SPTBN4: variants seen among roughly 807,000 people sequenced by gnomAD.
SPTBN4 encodes the protein spectrin beta chain, non-erythrocytic 4.
In SPTBN4, 96 loss-of-function variants were observed where a neutral mutation model predicts 277.8. The observed-to-expected ratio is 0.35, with a 90% confidence interval of 0.29 to 0.41. SPTBN4 has a LOEUF of 0.41. Ranked by LOEUF, SPTBN4 falls within the 10% of genes least tolerant of loss-of-function variation. The pLI is 1.00. For missense variants in SPTBN4, 3,006 were observed against 3,595.7 expected, an observed-to-expected ratio of 0.84 and a Z score of 4.19; for synonymous variants, 1,481 against 1,580.3, an observed-to-expected ratio of 0.94 and a Z score of 1.49.
Position 40,512,988 on chromosome 19 carries a change from C to A in SPTBN4, c.2199C>A (p.Gly733=). 7.0e-7 allele frequency: 1 copy of A among 1,419,896 alleles called. No homozygotes were observed. The highest frequency in any genetic ancestry group is 1.4e-5 in the South Asian group (1 of 69,270). The allele number at this position is 1,419,896 out of a possible 1,614,324, so 88.0% of individuals were successfully genotyped here. The change falls in exon 14 of 36, where the codon GGC becomes GGA. Residue 733 remains glycine (G), a synonymous_variant. Transcript: ENST00000598249. ...EELVAAGGAV[G]PGADTVHLVG... ...TGGTTGCGGCCGGCGGTGCCGTCGG[C>A]CCGGGAGCAGACACCGTGCACCTGG... is the stretch of plus-strand genomic sequence containing the variant.
chr19:40,529,367 C>T (rs1243921649), intron 18 of SPTBN4, among the ~76,000 whole-genome samples: 3 of 152,224 alleles, frequency 2.0e-5, no homozygotes, highest in Non-Finnish European at 4.4e-5. Context: ...CTGGCAACCG[C>T]GCGTGTCCGC....
intron 20 of SPTBN4, among the ~76,000 whole-genome samples, chr19:40,540,996 G>A (rs958423194): frequency 6.6e-6 from 1 of 152,034 alleles, no homozygotes; most frequent in South Asian, 2.1e-4. Flanking sequence ...GTTTCCTCTC[G>A]TCCTTGCCAA....
chr19:40,530,381 C>T (rs1256358828), intron 18 of SPTBN4: 2 of 440,446 alleles, frequency 4.5e-6, no homozygotes, highest in African/African-American at 4.3e-5. Flanking sequence ...CCTCCTGCAC[C>T]CCCACCTGGG....
intron 20 of SPTBN4, among the ~76,000 whole-genome samples, chr19:40,541,503 A>G (rs767797421): frequency 7.9e-5 from 12 of 152,280 alleles, no homozygotes; most frequent in South Asian, 2.1e-4. Flanking sequence ...TGGGGCATAC[A>G]CAGGAGAGGG....
intron 27 of SPTBN4, among the ~76,000 whole-genome samples, chr19:40,564,325 C>CACA (rs917857859): frequency 6.6e-6 from 1 of 152,114 alleles, no homozygotes; most frequent in East Asian, 1.9e-4. Flanking sequence ...CGCACCACTG[C>CACA]ACAACAACAA....
intron 34 of SPTBN4, 61 bp from the exon 35 acceptor site, chr19:40,572,277 G>C (rs1404609506): frequency 3.7e-6 from 6 of 1,608,398 alleles, no homozygotes; most frequent in East Asian, 2.2e-5. Context: ...GGGGACACTT[G>C]GTGGGCAGGT....
intron 2 of SPTBN4, among the ~76,000 whole-genome samples, chr19:40,482,449 G>A (rs1034272243): frequency 2.0e-5 from 3 of 152,094 alleles, no homozygotes; most frequent in Non-Finnish European, 4.4e-5. Context: ...AGACCAGACG[G>A]GCTGCATACA....
rs143810077 is a variant in SPTBN4, at chr19:40,497,584, C to T, written c.764C>T (p.Ala255Val). Residue 255 changes from alanine to valine, a missense_variant, in exon 7 of 36, where the codon GCG (alanine) becomes GTG (valine). Around this residue, in one of 5 missense-constraint regions of SPTBN4, gnomAD observed 1,759 missense variants for 2,061.5 expected, o/e 0.85. Coordinates refer to ENST00000598249, the MANE Select transcript of SPTBN4 (RefSeq NM_020971.3). Reference sequence around the variant, plus strand: ...ACAGCTGAGCAGCACCTGGGGCTGGCGCGGCTGCTGGATCCTGAAGGTGAG... The same window carrying T: ...ACAGCTGAGCAGCACCTGGGGCTGGTGCGGCTGCTGGATCCTGAAGGTGAG... Reference protein sequence around the residue: ...FRTAEQHLGLARLLDPEDVNM... With the variant: ...FRTAEQHLGLVRLLDPEDVNM... 1.2e-4 allele frequency: 190 copies of T among 1,613,808 alleles called. No homozygotes were observed. In the African/African-American group the frequency reaches 1.9e-3, roughly 17 times the overall value.
chr19:40,534,243 C>G lies in SPTBN4; in HGVS notation c.4259C>G (p.Ala1420Gly). ...GCAGACCAGCTGGTGCAGAGCTTTG[C>G]TGAGCTGGACAAGAAGCTCCTTCAC... is the stretch of plus-strand genomic sequence containing the variant. ...SKADQLVQSF[A>G]ELDKKLLHME... The change falls in exon 20 of 36, where the codon GCT becomes GGT. Residue 1420 changes from alanine (A) to glycine (G), a missense_variant. Coordinates refer to ENST00000598249, the MANE Select transcript of SPTBN4 (RefSeq NM_020971.3). 1.2e-6 allele frequency: 2 copies of G among 1,614,158 alleles called. No individual in the cohort carries two copies. Among genetic ancestry groups the G allele is most frequent in the Non-Finnish European group, 1.7e-6 (2 of 1,180,018 alleles).
chr19:40,540,814 C>CAAAAA (rs58695945), intron 20 of SPTBN4, among the ~76,000 whole-genome samples: 3 of 79,338 alleles, frequency 3.8e-5, no homozygotes, highest in East Asian at 7.9e-4. Flanking sequence ...ACCCCCATCT[C>CAAAAA]AAAAAAAAAA....
chr19:40,531,642 G>C (rs2080676079), intron 18 of SPTBN4, among the ~76,000 whole-genome samples: 1 of 151,484 alleles, frequency 6.6e-6, no homozygotes, highest in African/African-American at 2.4e-5. Flanking sequence ...AGGGGGTTGG[G>C]GGAGGCTCAA....
At chr19:40,489,230 AAG>A (rs991521177) in intron 3 of SPTBN4, among the ~76,000 whole-genome samples, 2 of 150,322 alleles carry the variant, frequency 1.3e-5, no homozygotes, top group African/African-American at 4.9e-5. Context: ...AAAAAAAAAA[AAG>A]AAAGAAAAAA....
At chr19:40,539,439 G>C (rs768064532) in intron 20 of SPTBN4, among the ~76,000 whole-genome samples, 50 of 152,186 alleles carry the variant, frequency 3.3e-4, no homozygotes, top group Non-Finnish European at 5.9e-4. Context: ...CTTATCACCT[G>C]GATAGCCCAA....
At chr19:40,495,506 G>A (rs893314424) in intron 6 of SPTBN4, among the ~76,000 whole-genome samples, 2 of 152,080 alleles carry the variant, frequency 1.3e-5, no homozygotes, top group East Asian at 3.9e-4. Context: ...AAATTAGCCA[G>A]GTGTGGTGGT....
chr19:40,543,334 C>T (rs1167631925), intron 20 of SPTBN4, among the ~76,000 whole-genome samples: 2 of 152,104 alleles, frequency 1.3e-5, no homozygotes, highest in Non-Finnish European at 2.9e-5. Flanking sequence ...TCTAAGGTTA[C>T]GTGCTCATAT....
intron 17 of SPTBN4, among the ~76,000 whole-genome samples, chr19:40,526,431 CA>C: frequency 6.6e-6 from 1 of 152,086 alleles, no homozygotes. Flanking sequence ...CTCGGCTCCC[CA>C]AAGTGCTGGG....
At chr19:40,551,384 ATCTC>A (rs141245845) in intron 22 of SPTBN4, among the ~76,000 whole-genome samples, 2 of 125,610 alleles carry the variant, frequency 1.6e-5, no homozygotes, top group East Asian at 2.0e-4. Flanking sequence ...ATGAGACCCT[ATCTC>A]TCTCTCTCTC....
chr19:40,570,498 C>G lies in SPTBN4; in HGVS notation c.7089C>G (p.Pro2363=), dbSNP rs762706333. 1 of 1,544,764 alleles carries G rather than the reference C, an allele frequency of 6.5e-7. No homozygotes were observed. Among genetic ancestry groups the G allele is most frequent in the Non-Finnish European group, 8.7e-7 (1 of 1,154,386 alleles). Residue 2363 remains proline, a synonymous_variant, in exon 33 of 36, where the codon CCC becomes CCG. Transcript: ENST00000598249. ...GCCTGCCCAACGGGCTTGAGCTGCC[C>G]GAGCGGACACCTCGGCCGGACCGGC... ...PGRLPNGLEL[P]ERTPRPDRPR...
rs977648739 is a variant in SPTBN4, at chr19:40,495,369, G to A, written c.668+392G>A. 2.6e-5 allele frequency among the ~76,000 whole-genome samples: 4 copies of A among 152,130 alleles called. No homozygotes were observed. In the East Asian group the frequency reaches 5.8e-4, roughly 22 times the overall value. On this transcript the variant is annotated intron_variant, in intron 6 of 35. Transcript: ENST00000598249. Reference sequence around the variant, plus strand: ...CAGAAAATGCTTTCTCAGGCCAGGCGCAGTGGCTCACACTTGTAATCCCTG... The same window carrying A: ...CAGAAAATGCTTTCTCAGGCCAGGCACAGTGGCTCACACTTGTAATCCCTG...
Sources: gnomAD v4.1 joint callset for allele counts (sites outside exome capture counted in the v4.1 genomes callset) on GRCh38, gnomAD v4.1.1 for gene constraint, gnomAD v4.1.1 regional missense constraint, MANE v1.5 for transcripts, NCBI Gene and HGNC (gene_info 2026-07-23, HGNC 2026-07-21) for gene names.